Variants in CYTH4 observed in about 807,000 individuals in gnomAD.
CYTH4 encodes cytohesin-4.
In CYTH4, 22 loss-of-function variants were observed where a neutral mutation model predicts 57.5. The ratio of observed to expected loss-of-function variants is 0.38; its 90% CI spans 0.27 to 0.55. The LOEUF (loss-of-function observed/expected upper bound fraction) is 0.55, where lower values mean the gene tolerates loss of function less well. CYTH4 is among the 20% of genes least tolerant of loss of function. The pLI, the probability that CYTH4 is intolerant of heterozygous loss-of-function variation, is 0.74. For synonymous variants in CYTH4, 186 were observed against 206.5 expected, an observed-to-expected ratio of 0.90 and a Z score of 0.85; for missense variants, 420 against 535.6, an observed-to-expected ratio of 0.78 and a Z score of 2.13.
rs536357991 is a variant in CYTH4 at position 37,287,018 on chromosome 22, A to G, written c.19+4430A>G. The stretch of plus-strand genomic sequence containing the variant: ...ACCCAAGGGGTGACAGCCAGGTGGG[A>G]GTCAGAGTGCCTCCTGGGGAAATGT... On this transcript the variant is annotated intron_variant, in intron 1 of 12. Coordinates refer to ENST00000248901, the MANE Select transcript of CYTH4 (RefSeq NM_013385.5). Among the ~76,000 whole-genome samples the G allele has an allele frequency of 3.3e-5, 5 of 152,264 alleles. No homozygotes were observed. The East Asian group carries it at 9.7e-4, about 29-fold the overall frequency.
Position 37,311,227 on chromosome 22 carries a change from G to A in CYTH4, c.885+163G>A, listed in dbSNP as rs1929629118. On this transcript the variant is annotated intron_variant, in intron 10 of 12. Transcript: ENST00000248901. The surrounding 1 kb of genome is among the most constrained non-coding windows in gnomAD (Gnocchi z 4.4). ...AGATGGGGAAAACGGGTACACAGAG[G>A]AGGGCCGGGCCAAGGTCCTAGGCAG... Among the ~76,000 whole-genome samples the A allele has an allele frequency of 6.6e-6, 1 of 152,226 alleles. No individual in the cohort carries two copies. Among genetic ancestry groups the A allele is most frequent in the Non-Finnish European group, 1.5e-5 (1 of 68,050 alleles).
chr22:37,294,745 C>T (rs772898709), intron 3 of CYTH4, 21 bp downstream of exon 3: 9 of 1,613,466 alleles, frequency 5.6e-6, no homozygotes, highest in South Asian at 1.1e-5. Context: ...TGGGTGGGGA[C>T]CCCCAGAAAC....
chr22:37,292,704 G>A lies in CYTH4; in HGVS notation c.102+1G>A. On this transcript the variant is annotated splice_donor_variant, in intron 2 of 12. Transcript: ENST00000248901. LOFTEE classifies it high-confidence loss of function. ...AAAGCAGCTCCTGGAGGACATCCAG[G>A]TGAGTGCACACTCGTGTCCACACAC... The A allele has an allele frequency of 6.2e-7, 1 of 1,613,384 alleles. No individual in the cohort carries two copies. The highest frequency in any genetic ancestry group is 8.5e-7 in the Non-Finnish European group (1 of 1,179,870).
intron 8 of CYTH4, among the ~76,000 whole-genome samples, chr22:37,308,779 T>C (rs1929516930): frequency 6.6e-6 from 1 of 151,982 alleles, no homozygotes; most frequent in Non-Finnish European, 1.5e-5. Context: ...TGCCTGCATG[T>C]GTGTATGTGT....
At chr22:37,303,161 C>T in intron 7 of CYTH4, 93 bp from the exon 8 acceptor site, 1 of 1,439,054 alleles carries the variant, frequency 6.9e-7, no homozygotes, top group Non-Finnish European at 9.3e-7. Context: ...ACCTTCGGGG[C>T]CTTGCAATGG....
At position 37,314,278 on chromosome 22, in the gene CYTH4, G is replaced by A. The variant is rs545146299; in HGVS notation, c.*767G>A. On this transcript the variant is annotated 3_prime_UTR_variant, in exon 13 of 13. Coordinates refer to ENST00000248901, the MANE Select transcript of CYTH4 (RefSeq NM_013385.5). ...TGTTTGCGGAGCCCAGGCTGACTCCGGATTCAACGTTGCTGGGGAGAGAAA... is the reference window on the plus strand; with the variant it reads ...TGTTTGCGGAGCCCAGGCTGACTCCAGATTCAACGTTGCTGGGGAGAGAAA... The A allele has an allele frequency of 4.0e-5, 16 of 398,644 alleles. No homozygotes were observed. The highest frequency in any genetic ancestry group is 2.6e-4 in the South Asian group (2 of 7,836). The allele number at this position is 398,644 out of a possible 1,614,324, so 24.7% of individuals were successfully genotyped here.
rs1038677188 is a variant in CYTH4 at position 37,295,710 on chromosome 22, G to A, written c.168-289G>A. ...GTGCTCAGCCCTCGCCCCCTCCCCC[G>A]GTTTCTTGCACAGGGCCCCTCCACC... is the stretch of plus-strand genomic sequence containing the variant. On this transcript the variant is annotated intron_variant, in intron 3 of 12. Transcript: ENST00000248901. The surrounding 1 kb of genome is among the most constrained non-coding windows in gnomAD (Gnocchi z 4.1). Among the ~76,000 whole-genome samples the A allele has an allele frequency of 1.9e-4, 29 of 152,148 alleles. No homozygotes were observed. Among genetic ancestry groups the A allele is most frequent in the African/African-American group, 6.5e-4 (27 of 41,444 alleles).
In CYTH4 at chr22:37,303,353, T is replaced by C; in HGVS notation, c.647T>C (p.Met216Thr). 6.2e-7 allele frequency: 1 copy of C among 1,614,144 alleles called. No homozygotes were observed. The highest frequency in any genetic ancestry group is 1.1e-5 in the South Asian group (1 of 91,078). The change falls in exon 8 of 13, where the codon ATG becomes ACG. Residue 216 changes from methionine (M) to threonine (T), a missense_variant. Physicochemically the swap from Met to Thr is moderately conservative, Grantham distance 81 (BLOSUM62 -1). Transcript: ENST00000248901. Reference protein sequence around the residue: ...DRPPFERFVSMNRGINNGSDL... With the variant: ...DRPPFERFVSTNRGINNGSDL... ...CCGCCTTTTGAGCGCTTTGTGTCCATGAACCGCGGCATCAACAATGGTAGC... is the reference window on the plus strand; with the variant it reads ...CCGCCTTTTGAGCGCTTTGTGTCCACGAACCGCGGCATCAACAATGGTAGC...
chr22:37,304,584 C>G (rs1005101049), intron 8 of CYTH4, among the ~76,000 whole-genome samples: 2 of 152,176 alleles, frequency 1.3e-5, no homozygotes, highest in African/African-American at 4.8e-5. Context: ...CCGAGTATAC[C>G]TCCTGCCTCC....
At chr22:37,292,725 CA>C (rs1326812575) in intron 2 of CYTH4, 22 bp downstream of exon 2, 15 of 1,610,444 alleles carry the variant, frequency 9.3e-6, no homozygotes, top group Non-Finnish European at 1.3e-5. Context: ...CTCGTGTCCA[CA>C]CACGTGTCCA....
At chr22:37,300,045 G>A in intron 6 of CYTH4, 1 of 717,172 alleles carries the variant, frequency 1.4e-6, no homozygotes, top group East Asian at 2.7e-5. Context: ...GTAGAATGGG[G>A]ATAATAATAG....
chr22:37,304,269 G>T, intron 8 of CYTH4: 1 of 456,728 alleles, frequency 2.2e-6, no homozygotes, highest in Non-Finnish European at 4.4e-6. Flanking sequence ...GAAAGGAGAG[G>T]TGTCCAGTGT....
chr22:37,296,758 C>T lies in CYTH4; in HGVS notation c.234+693C>T, dbSNP rs186605899. On this transcript the variant is annotated intron_variant, in intron 4 of 12. Coordinates refer to ENST00000248901, the MANE Select transcript of CYTH4 (RefSeq NM_013385.5). ...ATGGCTACAGACCCTTGGACTCCTGCTCCTACCCACAGAGACCCCCGCAGG... is the reference window on the plus strand; with the variant it reads ...ATGGCTACAGACCCTTGGACTCCTGTTCCTACCCACAGAGACCCCCGCAGG... 5.2e-4 allele frequency among the ~76,000 whole-genome samples: 79 copies of T among 152,296 alleles called. No individual in the cohort carries two copies. The East Asian group carries it at 0.011, about 22-fold the overall frequency.
At chr22:37,286,924 G>T (rs1360759575) in intron 1 of CYTH4, among the ~76,000 whole-genome samples, 1 of 152,164 alleles carries the variant, frequency 6.6e-6, no homozygotes. Context: ...TGAGCAAAGC[G>T]ATAGCGGCTG....
intron 1 of CYTH4, among the ~76,000 whole-genome samples, chr22:37,286,537 G>A (rs576589649): frequency 5.9e-4 from 90 of 152,264 alleles, no homozygotes; most frequent in Non-Finnish European, 1.0e-3. Context: ...CAGAAACGCT[G>A]TGGGGAATGG....
At chr22:37,308,784 A>G (rs928167898) in intron 8 of CYTH4, among the ~76,000 whole-genome samples, 4 of 148,018 alleles carry the variant, frequency 2.7e-5, no homozygotes, top group African/African-American at 7.6e-5. Context: ...GCATGTGTGT[A>G]TGTGTGTGAA....
In CYTH4 at chr22:37,311,141, G is replaced by A. The variant is rs1929625757; in HGVS notation, c.885+77G>A. 19 of 1,481,404 alleles carry A rather than the reference G, an allele frequency of 1.3e-5. No individual in the cohort carries two copies. In the South Asian group the frequency reaches 1.9e-4, roughly 15 times the overall value. 91.8% of individuals were successfully genotyped at this position (1,481,404 alleles called of 1,614,324 possible). On this transcript the variant is annotated intron_variant, in intron 10 of 12. Transcript: ENST00000248901. The surrounding 1 kb of genome is among the most constrained non-coding windows in gnomAD (Gnocchi z 4.4). ...CCCACTTCCCAACTCCCACTGAGCA[G>A]TCGACTCACACAGCTTTGGATCCTT... is the stretch of plus-strand genomic sequence containing the variant.
chr22:37,292,623 C>A lies in CYTH4; in HGVS notation c.22C>A (p.Pro8Thr), dbSNP rs751140524. The A allele has an allele frequency of 6.2e-7, 1 of 1,613,680 alleles. No homozygotes were observed. ...GAAGGCCGGTTGTCTCTCTGTAGAGCCCGCGGAGCTGAGCAGCGGGGAGAC... is the reference window on the plus strand; with the variant it reads ...GAAGGCCGGTTGTCTCTCTGTAGAGACCGCGGAGCTGAGCAGCGGGGAGAC... MDLCHPE[P>T]AELSSGETEE... is the part of the protein sequence containing the mutation. The change falls in exon 2 of 13, where the codon CCC (proline) becomes ACC (threonine). Residue 8 changes from proline (P) to threonine (T), a missense_variant and splice_region_variant. Physicochemically the swap from Pro to Thr is conservative, Grantham distance 38 (BLOSUM62 -1). Coordinates refer to ENST00000248901, the MANE Select transcript of CYTH4 (RefSeq NM_013385.5).
rs760218777 is a variant in CYTH4, at chr22:37,294,690, G to C, written c.133G>C (p.Ala45Pro). The C allele has an allele frequency of 1.9e-6, 3 of 1,613,906 alleles. No individual in the cohort carries two copies. The highest frequency in any genetic ancestry group is 8.5e-7 in the Non-Finnish European group (1 of 1,179,854). The change falls in exon 3 of 13, where the codon GCC (alanine) becomes CCC (proline). Residue 45 changes from alanine to proline, a missense_variant. Ala to Pro is a conservative substitution (Grantham distance 27). Transcript: ENST00000248901. ...KLKDEIADVF[A>P]QIDCFESAEE... The stretch of plus-strand genomic sequence containing the variant: ...GAAGGATGAGATTGCAGATGTGTTT[G>C]CCCAAATCGACTGCTTCGAGAGTGC...
Sources: gnomAD v4.1 joint callset for allele counts (sites outside exome capture counted in the v4.1 genomes callset) on GRCh38, gnomAD v4.1.1 for gene constraint, Gnocchi (gnomAD v3.1) non-coding constraint, MANE v1.5 for transcripts, NCBI Gene and HGNC (gene_info 2026-07-23, HGNC 2026-07-21) for gene names.